The following CCNY variants were observed in gnomAD, a reference collection of about 807,000 sequenced individuals.
CCNY encodes cyclin Y, also known as cyclin-Y.
A neutral mutation model predicts 42.8 loss-of-function variants in CCNY; 19 were observed. The observed-to-expected ratio is 0.44, with a 90% CI of 0.31 to 0.65. CCNY has a LOEUF of 0.65. Among genes scored for constraint, CCNY ranks in the 30% least tolerant of loss-of-function variants. CCNY has a pLI of 0.07. For synonymous variants in CCNY, 165 were observed against 162.7 expected (o/e 1.01, Z -0.11); for missense variants, 370 against 437.3 (o/e 0.85, Z 1.37).
chr10:35,463,680 T>C (rs1426663539), intron 1 of CCNY, among the ~76,000 whole-genome samples: 1 of 152,230 alleles, frequency 6.6e-6, no homozygotes, highest in Non-Finnish European at 1.5e-5. Flanking sequence ...GTTTTAAAAC[T>C]CATTATTAAA....
chr10:35,295,585 C>T (rs934606583), intron 3 of CCNY, among the ~76,000 whole-genome samples: 3 of 152,078 alleles, frequency 2.0e-5, no homozygotes, highest in Admixed American at 1.3e-4. Context: ...CACCATTTTA[C>T]CCTACCCCAG....
intron 3 of CCNY, among the ~76,000 whole-genome samples, chr10:35,274,248 T>C (rs1342262497): frequency 6.6e-6 from 1 of 152,128 alleles, no homozygotes; most frequent in African/African-American, 2.4e-5. Context: ...TCAGACCTTG[T>C]GAGACTTGTT....
Position 35,432,051 on chromosome 10 carries a change from G to C in CCNY, c.155-51353G>C, listed in dbSNP as rs1838424562. Among the ~76,000 whole-genome samples, 3 of 152,226 alleles carry C rather than the reference G, an allele frequency of 2.0e-5. No homozygotes were observed. The South Asian group carries it at 6.2e-4, about 32-fold the overall frequency. On this transcript the variant is annotated intron_variant, in intron 1 of 9. Transcript: ENST00000374704. ...AAGGAGGTCATATTATGGAGCGAATGTCAGTGCGAGAATCATCTTGCATAT... is the reference window on the plus strand; with the variant it reads ...AAGGAGGTCATATTATGGAGCGAATCTCAGTGCGAGAATCATCTTGCATAT...
chr10:35,316,294 G>A (rs956714073), intron 3 of CCNY: 5 of 152,150 alleles, frequency 3.3e-5, no homozygotes, highest in Admixed American at 6.6e-5. Flanking sequence ...AAGAAACTTC[G>A]ATAAAATCTT....
At chr10:35,450,141 A>C (rs1055708022) in intron 1 of CCNY, among the ~76,000 whole-genome samples, 5 of 150,984 alleles carry the variant, frequency 3.3e-5, no homozygotes, top group Admixed American at 6.6e-5. Flanking sequence ...AGGATGTAGC[A>C]GGGGGAGGGG....
chr10:35,446,264 C>G (rs776945196), intron 1 of CCNY, among the ~76,000 whole-genome samples: 4 of 152,174 alleles, frequency 2.6e-5, no homozygotes, highest in Admixed American at 1.3e-4. Context: ...CAGTACAATA[C>G]TTTATCATCT....
intron 1 of CCNY, among the ~76,000 whole-genome samples, chr10:35,368,524 C>A (rs776625130): frequency 1.3e-5 from 2 of 152,188 alleles, no homozygotes; most frequent in Non-Finnish European, 2.9e-5. Flanking sequence ...ATACTCTGTT[C>A]AGATGTCACA....
chr10:35,393,445 G>C (rs1404715162), intron 1 of CCNY, among the ~76,000 whole-genome samples: 1 of 152,182 alleles, frequency 6.6e-6, no homozygotes, highest in Non-Finnish European at 1.5e-5. Context: ...TAGTACCCCT[G>C]CATTTCCTTT....
chr10:35,548,222 C>T (rs1479573466), intron 7 of CCNY, among the ~76,000 whole-genome samples: 1 of 147,688 alleles, frequency 6.8e-6, no homozygotes, highest in East Asian at 2.0e-4. Context: ...TGAAGTAAGC[C>T]AGAGAAAAGA....
chr10:35,441,591 A>G (rs1471242413), intron 1 of CCNY, among the ~76,000 whole-genome samples: 1 of 152,154 alleles, frequency 6.6e-6, no homozygotes, highest in Non-Finnish European at 1.5e-5. Context: ...CTAAAAATAA[A>G]AAAGGAAATA....
intron 1 of CCNY, among the ~76,000 whole-genome samples, chr10:35,429,742 C>G (rs533860556): frequency 6.6e-6 from 1 of 152,292 alleles, no homozygotes; most frequent in East Asian, 1.9e-4. Flanking sequence ...ATTGCAAACT[C>G]TTCTAGGTAT....
intron 2 of CCNY, among the ~76,000 whole-genome samples, chr10:35,489,291 GT>G (rs1453466891): frequency 1.3e-5 from 2 of 151,396 alleles, no homozygotes; most frequent in South Asian, 4.1e-4. Flanking sequence ...CAAAGCCTTT[GT>G]TTTTTGTTTT....
chr10:35,490,822 A>G (rs1361125265), intron 2 of CCNY, among the ~76,000 whole-genome samples: 1 of 152,122 alleles, frequency 6.6e-6, no homozygotes, highest in African/African-American at 2.4e-5. Context: ...ACACCAGGTC[A>G]GTGCAGGCCT....
chr10:35,343,503 C>T (rs566428478), intron 1 of CCNY, among the ~76,000 whole-genome samples: 70 of 150,448 alleles, frequency 4.7e-4, no homozygotes, highest in Non-Finnish European at 8.3e-4. Flanking sequence ...AATTCCCCTG[C>T]CTCAGCCTCC....
At chr10:35,370,726 T>A (rs1364351698) in intron 1 of CCNY, among the ~76,000 whole-genome samples, 5 of 151,600 alleles carry the variant, frequency 3.3e-5, no homozygotes, top group Non-Finnish European at 7.4e-5. Flanking sequence ...TTTATTTTAT[T>A]TTTTTTTGAG....
rs371750484 is a variant in CCNY at position 35,295,743 on chromosome 10, GT to G, written c.-9+45118del. ...CAAATATTGTACTCATACAATATTT[GT>G]CCTTTTGTGTCTGGCTTATTTCACT... On this transcript the variant is annotated intron_variant, in intron 3 of 11. Coordinates refer to the CCNY transcript ENST00000374706. Among the ~76,000 whole-genome samples, 334 of 151,750 alleles carry G rather than the reference GT, an allele frequency of 2.2e-3. 1 individual carries two copies. Among genetic ancestry groups the G allele is most frequent in the African/African-American group, 7.7e-3 (318 of 41,392 alleles).
At chr10:35,514,418 G>A (rs111576280) in intron 3 of CCNY, among the ~76,000 whole-genome samples, 215 of 152,284 alleles carry the variant, frequency 1.4e-3, no homozygotes, top group African/African-American at 4.7e-3. Flanking sequence ...CCGCAGGTGG[G>A]GCAGTCCTCA....
At chr10:35,432,400 A>G (rs1395519756) in intron 1 of CCNY, among the ~76,000 whole-genome samples, 1 of 152,214 alleles carries the variant, frequency 6.6e-6, no homozygotes, top group Non-Finnish European at 1.5e-5. Context: ...TAGATTTTGT[A>G]AGTAAATGAC....
intron 3 of CCNY, among the ~76,000 whole-genome samples, chr10:35,287,403 A>G (rs907732430): frequency 2.0e-5 from 3 of 152,228 alleles, no homozygotes; most frequent in Non-Finnish European, 4.4e-5. Flanking sequence ...AATTTTGACA[A>G]ATAAACACAT....
Sources: allele counts gnomAD v4.1 joint callset (sites outside exome capture counted in the v4.1 genomes callset), GRCh38; gene constraint gnomAD v4.1.1; transcripts MANE v1.5; gene names NCBI Gene and HGNC (gene_info 2026-07-23, HGNC 2026-07-21).